Variants in ZNF407 observed in about 807,000 individuals in gnomAD.
The protein encoded by ZNF407 is zinc finger protein 407.
A neutral mutation model predicts 131.2 loss-of-function variants in ZNF407; 17 were observed. The observed-to-expected ratio is 0.13, with a 90% CI of 0.09 to 0.19. ZNF407 has a LOEUF of 0.19. Ranked by LOEUF, ZNF407 falls within the 10% of genes least tolerant of loss-of-function variation. The pLI is 1.00. For missense variants in ZNF407, 2,681 were observed against 2,830.6 expected, an observed-to-expected ratio of 0.95 and a Z score of 1.20; for synonymous variants, 1,156 against 1,062.0, an observed-to-expected ratio of 1.09 and a Z score of -1.72.
rs367562665 is a variant in ZNF407 at position 74,633,461 on chromosome 18, C to T, written c.2442C>T (p.Gly814=). The change falls in exon 2 of 9, where the codon GGC becomes GGT. Residue 814 remains glycine (G), a synonymous_variant. Transcript: ENST00000299687. ...QLQEHSYLEK[G]MLASEELSQS... Reference sequence around the variant, plus strand: ...AAGAGCATTCCTATCTTGAGAAGGGCATGCTGGCGTCTGAGGAACTGTCAC... The same window carrying T: ...AAGAGCATTCCTATCTTGAGAAGGGTATGCTGGCGTCTGAGGAACTGTCAC... 6.2e-7 allele frequency: 1 copy of T among 1,613,756 alleles called. No individual in the cohort carries two copies. The highest frequency in any genetic ancestry group is 1.3e-5 in the African/African-American group (1 of 74,888).
intron 2 of ZNF407, 106 bp from the exon 3 acceptor site, chr18:74,640,902 A>G: frequency 1.3e-6 from 1 of 787,522 alleles, no homozygotes; most frequent in East Asian, 2.6e-5. Flanking sequence ...GGGTACAGAA[A>G]TTCTTAATTA....
intron 7 of ZNF407, among the ~76,000 whole-genome samples, chr18:74,890,513 A>C (rs901057493): frequency 1.3e-5 from 2 of 152,182 alleles, no homozygotes; most frequent in Non-Finnish European, 2.9e-5. Flanking sequence ...CTATAATCTT[A>C]ACATTTAGAT....
At chr18:75,052,970 C>T (rs1196008330) in intron 8 of ZNF407, among the ~76,000 whole-genome samples, 1 of 152,192 alleles carries the variant, frequency 6.6e-6, no homozygotes, top group African/African-American at 2.4e-5. Flanking sequence ...TTAACAAAGC[C>T]TTTAATTTCC....
chr18:74,882,619 T>C (rs1971254168), intron 6 of ZNF407, among the ~76,000 whole-genome samples: 1 of 152,222 alleles, frequency 6.6e-6, no homozygotes, highest in Non-Finnish European at 1.5e-5. Context: ...GAGTTATCAT[T>C]GAGTTAATGG....
chr18:74,795,074 G>A (rs185008046), intron 4 of ZNF407, among the ~76,000 whole-genome samples: 261 of 151,054 alleles, frequency 1.7e-3, no homozygotes, highest in African/African-American at 6.1e-3. Flanking sequence ...TTTTTCTTTC[G>A]ATTATGGGAT....
At chr18:75,029,569 G>A (rs974557340) in intron 8 of ZNF407, among the ~76,000 whole-genome samples, 9 of 152,094 alleles carry the variant, frequency 5.9e-5, no homozygotes, top group Non-Finnish European at 1.2e-4. Context: ...TCAGGGCGGA[G>A]TGTGTGTGCG....
intron 3 of ZNF407, among the ~76,000 whole-genome samples, chr18:74,756,344 T>G (rs1968962829): frequency 6.6e-6 from 1 of 152,186 alleles, no homozygotes; most frequent in East Asian, 1.9e-4. Flanking sequence ...ACTTTGGTAA[T>G]ATTGGCAAAG....
intron 4 of ZNF407, among the ~76,000 whole-genome samples, chr18:74,861,084 G>A (rs1487743435): frequency 6.6e-6 from 1 of 152,076 alleles, no homozygotes; most frequent in East Asian, 1.9e-4. Context: ...GTAATCCTAG[G>A]GTTGGAAAAC....
At position 74,702,794 on chromosome 18, in the gene ZNF407, CAT is replaced by C. The variant is rs372198032; in HGVS notation, c.4802+61673_4802+61674del. 9.9e-5 allele frequency among the ~76,000 whole-genome samples: 15 copies of C among 152,188 alleles called. 1 individual carries two copies. The highest frequency in any genetic ancestry group is 3.6e-4 in the African/African-American group (15 of 41,510). ...ATGTACATATACACTGATACATAGA[CAT>C]GTACATGGGTATATTACAAGCAGTT... On this transcript the variant is annotated intron_variant, in intron 3 of 8. Coordinates refer to ENST00000299687, the MANE Select transcript of ZNF407 (RefSeq NM_017757.3).
At chr18:74,700,834 A>G (rs1163476157) in intron 3 of ZNF407, among the ~76,000 whole-genome samples, 3 of 152,116 alleles carry the variant, frequency 2.0e-5, no homozygotes, top group Non-Finnish European at 4.4e-5. Flanking sequence ...TTTTTCCATT[A>G]AGATTCATCT....
At chr18:74,794,152 G>C (rs564979220) in intron 4 of ZNF407, among the ~76,000 whole-genome samples, 1 of 152,222 alleles carries the variant, frequency 6.6e-6, no homozygotes, top group Non-Finnish European at 1.5e-5. Flanking sequence ...GGTGAGAACA[G>C]TGGCAGAAGC....
chr18:74,993,836 T>C (rs927514290), intron 8 of ZNF407, among the ~76,000 whole-genome samples: 1 of 152,202 alleles, frequency 6.6e-6, no homozygotes, highest in Non-Finnish European at 1.5e-5. Flanking sequence ...TAATTTAAGA[T>C]GCAGAAAAAC....
At chr18:74,749,501 CCTAA>C (rs1235353119) in intron 3 of ZNF407, among the ~76,000 whole-genome samples, 3 of 152,090 alleles carry the variant, frequency 2.0e-5, no homozygotes, top group African/African-American at 4.8e-5. Flanking sequence ...GATCATAAAA[CCTAA>C]CTGAGATACC....
intron 8 of ZNF407, among the ~76,000 whole-genome samples, chr18:74,994,181 G>T (rs1972751560): frequency 6.6e-6 from 1 of 152,026 alleles, no homozygotes; most frequent in South Asian, 2.1e-4. Context: ...TTCATAGGAA[G>T]CTCACAAGTA....
intron 8 of ZNF407, among the ~76,000 whole-genome samples, chr18:75,047,441 GA>G (rs1973448414): frequency 6.6e-6 from 1 of 152,210 alleles, no homozygotes; most frequent in Admixed American, 6.5e-5. Context: ...GCCTCACGTT[GA>G]AGGTGACTCT....
chr18:74,664,898 A>G (rs1329324447), intron 3 of ZNF407, among the ~76,000 whole-genome samples: 2 of 152,136 alleles, frequency 1.3e-5, no homozygotes, highest in South Asian at 2.1e-4. Flanking sequence ...CAAAATTTCA[A>G]TTTTGGTGTA....
chr18:74,740,686 C>T (rs143312645), intron 3 of ZNF407, among the ~76,000 whole-genome samples: 1,583 of 152,148 alleles, frequency 0.01, 16 homozygotes, highest in Non-Finnish European at 0.017. Flanking sequence ...GGCTTTAGAC[C>T]ACTCCTGGGT....
rs114217305 is a variant in ZNF407 at position 74,964,234 on chromosome 18, A to G, written c.5428+43542A>G. Among the ~76,000 whole-genome samples the G allele has an allele frequency of 9.8e-4, 150 of 152,320 alleles. 1 individual carries two copies. Among genetic ancestry groups the G allele is most frequent in the African/African-American group, 3.4e-3 (141 of 41,564 alleles). ...GTGGTATTCTAGTGTCTGGCCATGT[A>G]CTAAGCACTGAAGTCACAGTCCTTG... On this transcript the variant is annotated intron_variant, in intron 8 of 8. Transcript: ENST00000299687.
intron 7 of ZNF407, among the ~76,000 whole-genome samples, chr18:74,915,220 G>A (rs776201935): frequency 4.6e-5 from 7 of 152,158 alleles, no homozygotes; most frequent in Admixed American, 1.3e-4. Flanking sequence ...AGGCCAGGAG[G>A]AGTCACACCA....
Sources: gnomAD v4.1 joint callset for allele counts (sites outside exome capture counted in the v4.1 genomes callset) on GRCh38, gnomAD v4.1.1 for gene constraint, MANE v1.5 for transcripts, NCBI Gene and HGNC (gene_info 2026-07-23, HGNC 2026-07-21) for gene names.